RYR3: variants seen among roughly 807,000 people sequenced by gnomAD.
RYR3 encodes the protein ryanodine receptor 3.
RYR3 carries 207 observed loss-of-function variants against 584.3 expected under a neutral mutation model. That is an observed-to-expected ratio of 0.35 (90% CI 0.32 to 0.40). The LOEUF (loss-of-function observed/expected upper bound fraction) is 0.40. RYR3 is among the 10% of genes least tolerant of loss of function. The probability of loss-of-function intolerance (pLI) is 1.00; values close to 1 mark genes in which losing one functional copy is unlikely to be tolerated. For synonymous variants in RYR3, 2,416 were observed against 2,248.5 expected (o/e 1.07, Z -2.11); for missense variants, 5,616 against 6,089.2 (o/e 0.92, Z 2.59).
chr15:33,639,804 T>C (rs1225140832), intron 27 of RYR3, among the ~76,000 whole-genome samples: 1 of 152,218 alleles, frequency 6.6e-6, no homozygotes. Context: ...CATTAGAATT[T>C]TCTAATTAAT....
At chr15:33,518,414 T>G (rs2053700284) in intron 3 of RYR3, among the ~76,000 whole-genome samples, 3 of 151,880 alleles carry the variant, frequency 2.0e-5, no homozygotes, top group African/African-American at 7.3e-5. Context: ...TGTGGAGTTG[T>G]TTTTTTTCAA....
intron 1 of RYR3, among the ~76,000 whole-genome samples, chr15:33,379,732 C>T (rs935635198): frequency 7.4e-5 from 11 of 147,852 alleles, no homozygotes; most frequent in African/African-American, 2.6e-4. Context: ...AGAATTGGCT[C>T]ATACGATTAC....
intron 27 of RYR3, among the ~76,000 whole-genome samples, chr15:33,642,146 G>A (rs112361900): frequency 0.013 from 1,915 of 152,296 alleles, 56 homozygotes; most frequent in African/African-American, 0.043. Context: ...GTCTTATGCA[G>A]TTATTACCTT....
intron 1 of RYR3, among the ~76,000 whole-genome samples, chr15:33,471,103 C>T (rs777429573): frequency 2.0e-5 from 3 of 152,210 alleles, no homozygotes; most frequent in Non-Finnish European, 2.9e-5. Context: ...CACTCAAAAG[C>T]TCCAGATGTC....
In RYR3 at chr15:33,390,698, T is replaced by C. The variant is rs1312103165; in HGVS notation, c.51+79602T>C. Among the ~76,000 whole-genome samples, 2 of 152,132 alleles carry C rather than the reference T, an allele frequency of 1.3e-5. No individual in the cohort carries two copies. The highest frequency in any genetic ancestry group is 4.8e-5 in the African/African-American group (2 of 41,428). The stretch of plus-strand genomic sequence containing the variant: ...AGAGTGGTTCACTCTGCGTAGATTG[T>C]TTGCACAAACAATGTGATTTATGCC... On this transcript the variant is annotated intron_variant, in intron 1 of 103. Coordinates refer to ENST00000634891, the MANE Select transcript of RYR3 (RefSeq NM_001036.6). The surrounding 1 kb of genome is among the most constrained non-coding windows in gnomAD (Gnocchi z 4.2).
In RYR3 at chr15:33,539,356, C is replaced by A; in HGVS notation, c.440C>A (p.Ala147Asp). 6.3e-7 allele frequency: 1 copy of A among 1,585,582 alleles called. No homozygotes were observed. Reference sequence around the variant, plus strand: ...TCAAGGAGCCTTCATGTAGGAGAAGCCTGTTGGTGGACTATACATCCTGCT... The same window carrying A: ...TCAAGGAGCCTTCATGTAGGAGAAGACTGTTGGTGGACTATACATCCTGCT... Reference protein sequence around the residue: ...VGLREHATGEACWWTIHPASK... With the variant: ...VGLREHATGEDCWWTIHPASK... The change falls in exon 6 of 104, where the codon GCC becomes GAC. Residue 147 changes from alanine to aspartate, a missense_variant. Coordinates refer to ENST00000634891, the MANE Select transcript of RYR3 (RefSeq NM_001036.6).
rs117008420 is a variant in RYR3 at position 33,754,566 on chromosome 15, C to T, written c.8400-499C>T. ...TGCAGCATCAGTCTCCCAGTGAGAC[C>T]AACCCTGACTACCCTATTTAACACT... On this transcript the variant is annotated intron_variant, in intron 57 of 103. Transcript: ENST00000634891. 3.9e-5 allele frequency among the ~76,000 whole-genome samples: 6 copies of T among 152,282 alleles called. No homozygotes were observed. The East Asian group carries it at 9.7e-4, about 25-fold the overall frequency.
chr15:33,671,795 C>T (rs561629608), intron 38 of RYR3, among the ~76,000 whole-genome samples: 14 of 143,186 alleles, frequency 9.8e-5, no homozygotes, highest in African/African-American at 3.0e-4. Flanking sequence ...TTCTTTCCCA[C>T]CTTCTTTTTC....
intron 2 of RYR3, among the ~76,000 whole-genome samples, chr15:33,499,915 G>A (rs75241793): frequency 0.087 from 13,207 of 152,228 alleles, 656 homozygotes; most frequent in African/African-American, 0.11. Context: ...GATTAACAGA[G>A]AAGAGACAGG....
rs199745365 is a variant in RYR3, at chr15:33,768,676, C to T, written c.8724C>T (p.Ala2908=). Residue 2908 remains alanine (A), a synonymous_variant, in exon 61 of 104, where the codon GCC becomes GCT. Coordinates refer to ENST00000634891, the MANE Select transcript of RYR3 (RefSeq NM_001036.6). The stretch of plus-strand genomic sequence containing the variant: ...GCTTCAGCCTGTTCTGCAAACTTGC[C>T]GCTCTCGTTAGACACAGAATTTCCC... The part of the protein sequence containing the change: ...EMVAGLFCKL[A]ALVRHRISLF... 1.4e-4 allele frequency: 233 copies of T among 1,613,942 alleles called. No individual in the cohort carries two copies. Among genetic ancestry groups the T allele is most frequent in the East Asian group, 2.5e-4 (11 of 44,884 alleles).
intron 27 of RYR3, among the ~76,000 whole-genome samples, chr15:33,637,602 A>G (rs369263721): frequency 3.5e-4 from 53 of 152,244 alleles, no homozygotes; most frequent in African/African-American, 1.2e-3. Context: ...CTGAGACTTT[A>G]CAGAAAGAAA....
At chr15:33,321,827 C>A (rs1478474775) in intron 1 of RYR3, among the ~76,000 whole-genome samples, 7 of 152,176 alleles carry the variant, frequency 4.6e-5, no homozygotes, top group African/African-American at 1.7e-4. Context: ...ATACATTTAA[C>A]ATTTTAAGTT....
At chr15:33,592,038 T>C (rs1417976022) in intron 16 of RYR3, among the ~76,000 whole-genome samples, 1 of 152,246 alleles carries the variant, frequency 6.6e-6, no homozygotes, top group African/African-American at 2.4e-5. Context: ...AAAAGCAAAA[T>C]GAGAGGCTCT....
intron 38 of RYR3, among the ~76,000 whole-genome samples, chr15:33,687,559 ACT>A (rs1336830964): frequency 6.6e-6 from 1 of 152,218 alleles, no homozygotes. Context: ...ATTGGAAAAA[ACT>A]ACTTTAAAGT....
At chr15:33,591,836 G>A (rs1168983743) in intron 16 of RYR3, among the ~76,000 whole-genome samples, 1 of 152,168 alleles carries the variant, frequency 6.6e-6, no homozygotes, top group South Asian at 2.1e-4. Context: ...CTGAATAGCA[G>A]CCATTTCTCA....
intron 16 of RYR3, among the ~76,000 whole-genome samples, chr15:33,599,584 A>G (rs1385001237): frequency 6.6e-6 from 1 of 152,196 alleles, no homozygotes; most frequent in Non-Finnish European, 1.5e-5. Flanking sequence ...AGCCTTTCCA[A>G]AGGAGGCAAA....
intron 32 of RYR3, among the ~76,000 whole-genome samples, chr15:33,653,178 T>C (rs892776961): frequency 6.6e-6 from 1 of 152,256 alleles, no homozygotes; most frequent in Admixed American, 6.5e-5. Flanking sequence ...ATTTATTTCA[T>C]AAATATTTCT....
chr15:33,524,267 GTAA>G (rs1469272021), intron 3 of RYR3, among the ~76,000 whole-genome samples: 1 of 152,182 alleles, frequency 6.6e-6, no homozygotes, highest in Non-Finnish European at 1.5e-5. Flanking sequence ...TTGCCTATAT[GTAA>G]TACTTGAAGG....
intron 1 of RYR3, among the ~76,000 whole-genome samples, chr15:33,344,059 G>T (rs182648250): frequency 6.6e-6 from 1 of 152,288 alleles, no homozygotes; most frequent in East Asian, 1.9e-4. Context: ...ATTCAAAAAC[G>T]TACATTCACT....
Sources: allele counts gnomAD v4.1 joint callset (sites outside exome capture counted in the v4.1 genomes callset), GRCh38; gene constraint gnomAD v4.1.1; non-coding constraint Gnocchi (gnomAD v3.1); transcripts MANE v1.5; gene names NCBI Gene and HGNC (gene_info 2026-07-23, HGNC 2026-07-21).